TOX2: variants seen among roughly 807,000 people sequenced by gnomAD.
TOX2 encodes granulosa cell HMG box 1.
In TOX2, 15 loss-of-function variants were observed where a neutral mutation model predicts 47.4. The ratio of observed to expected loss-of-function variants is 0.32; its 90% CI spans 0.21 to 0.49. TOX2 has a LOEUF of 0.49. TOX2 is among the 20% of genes least tolerant of loss of function. TOX2 has a pLI of 0.99. For synonymous variants in TOX2, 290 were observed against 296.6 expected, an observed-to-expected ratio of 0.98 and a Z score of 0.23; for missense variants, 622 against 673.1, an observed-to-expected ratio of 0.92 and a Z score of 0.84.
intron 3 of TOX2, among the ~76,000 whole-genome samples, chr20:44,029,653 A>T (rs1009841137): frequency 5.3e-5 from 8 of 152,098 alleles, no homozygotes; most frequent in African/African-American, 1.9e-4. Context: ...CCCCATGGGG[A>T]ATTGCTGTGA....
intron 6 of TOX2, 80 bp downstream of exon 6, chr20:44,064,937 G>A (rs2071785491): frequency 7.4e-7 from 1 of 1,351,194 alleles, no homozygotes; most frequent in Non-Finnish European, 1.0e-6. Flanking sequence ...GGGCCCGTGG[G>A]AAGGGCCGGC....
chr20:43,993,184 G>T (rs992261839), intron 2 of TOX2, among the ~76,000 whole-genome samples: 1 of 149,998 alleles, frequency 6.7e-6, no homozygotes, highest in Non-Finnish European at 1.5e-5. Context: ...TACAGAGAGG[G>T]TTTCACACAC....
intron 3 of TOX2, among the ~76,000 whole-genome samples, chr20:44,015,992 G>A (rs905134817): frequency 6.6e-6 from 1 of 152,104 alleles, no homozygotes; most frequent in Non-Finnish European, 1.5e-5. Flanking sequence ...GACGAGATAA[G>A]ATTCATGGTT....
chr20:44,027,617 T>C (rs1044758398), intron 3 of TOX2, among the ~76,000 whole-genome samples: 9 of 152,206 alleles, frequency 5.9e-5, no homozygotes, highest in African/African-American at 2.2e-4. Flanking sequence ...AGATCCTTAA[T>C]TGAGGAGGCC....
intron 3 of TOX2, among the ~76,000 whole-genome samples, chr20:44,031,385 C>A (rs775424950): frequency 2.0e-5 from 3 of 152,170 alleles, no homozygotes; most frequent in Non-Finnish European, 4.4e-5. Flanking sequence ...CACAGGAGCA[C>A]GCTGCATTTG....
chr20:43,973,269 C>A, intron 1 of TOX2, 98 bp from the exon 2 acceptor site: 1 of 1,193,202 alleles, frequency 8.4e-7, no homozygotes, highest in Non-Finnish European at 1.2e-6. Flanking sequence ...TCCCACAGTC[C>A]CCTGCAGTCA....
At chr20:43,940,408 A>G (rs1335527474) in intron 1 of TOX2, among the ~76,000 whole-genome samples, 2 of 149,244 alleles carry the variant, frequency 1.3e-5, no homozygotes, top group African/African-American at 5.0e-5. Flanking sequence ...TCTGTTTTTC[A>G]GAGATAGGTC....
chr20:44,061,402 C>CA (rs564328942), intron 5 of TOX2, among the ~76,000 whole-genome samples: 108 of 151,936 alleles, frequency 7.1e-4, no homozygotes, highest in African/African-American at 2.4e-3. Context: ...ATAACAACAA[C>CA]AAAAAAACGA....
intron 1 of TOX2, among the ~76,000 whole-genome samples, chr20:43,965,661 G>A (rs1266898080): frequency 1.3e-5 from 2 of 152,184 alleles, no homozygotes; most frequent in East Asian, 1.9e-4. Context: ...TCCTCAGCAC[G>A]AGATATGTGC....
Position 43,914,861 on chromosome 20 carries a change from G to GGGAGCCGCC in TOX2, c.-29_-21dup. ...CGCCGCCCGCCCAGGCACTGCCCGC[G>GGGAGCCGCC]GGAGCCGCCGCCGCCGCCGCCGCGC... On this transcript the variant is annotated 5_prime_UTR_variant, in exon 1 of 9. Transcript: ENST00000341197. This position sits in a 1 kb window ranked among gnomAD's most constrained non-coding sequence, Gnocchi z 4.5. 1.1e-6 allele frequency: 1 copy of GGGAGCCGCC among 952,320 alleles called. No individual in the cohort carries two copies. The highest frequency in any genetic ancestry group is 1.2e-6 in the Non-Finnish European group (1 of 800,786). 59.0% of individuals were successfully genotyped at this position (952,320 alleles called of 1,614,324 possible). A position where few individuals can be genotyped will look rare whatever the true frequency, so the allele number is the denominator to read the frequency against.
intron 1 of TOX2, chr20:43,955,316 T>C (rs1176427167): frequency 2.0e-6 from 2 of 984,582 alleles, no homozygotes; most frequent in Non-Finnish European, 2.4e-6. Context: ...GGAGGGCCCA[T>C]GGGGGCCTCT....
rs1284146755 is a variant in TOX2 at position 44,065,977 on chromosome 20, C to T, written c.1226C>T (p.Pro409Leu). The T allele has an allele frequency of 3.1e-6, 5 of 1,613,228 alleles. No homozygotes were observed. Among genetic ancestry groups the T allele is most frequent in the South Asian group, 2.2e-5 (2 of 91,036 alleles). Residue 409 changes from proline to leucine, a missense_variant, in exon 7 of 9, where the codon CCC becomes CTC. Physicochemically the swap from Pro to Leu is moderately conservative, Grantham distance 98 (BLOSUM62 -3). Around this residue, in one of 3 missense-constraint regions of TOX2, gnomAD observed 294 missense variants for 300.0 expected, o/e 0.98. Coordinates refer to ENST00000341197, the MANE Select transcript of TOX2 (RefSeq NM_001098797.2). ...SPTLHQQLSL[P>L]PHAQGALLSP... ...ACACTGCACCAGCAGCTGTCACTGCCCCCTCACGCCCAGGGCGCCCTCCTC... is the reference window on the plus strand; with the variant it reads ...ACACTGCACCAGCAGCTGTCACTGCTCCCTCACGCCCAGGGCGCCCTCCTC...
At chr20:44,040,023 T>C (rs1409002586) in intron 3 of TOX2, among the ~76,000 whole-genome samples, 2 of 152,108 alleles carry the variant, frequency 1.3e-5, no homozygotes, top group Non-Finnish European at 2.9e-5. Flanking sequence ...GCTAAAAGTG[T>C]TGGGGCAGCG....
At position 43,915,320 on chromosome 20, in the gene TOX2, G is replaced by T. The variant is rs2069043561; in HGVS notation, c.99+330G>T. 6.6e-6 allele frequency among the ~76,000 whole-genome samples: 1 copy of T among 152,102 alleles called. No homozygotes were observed. Among genetic ancestry groups the T allele is most frequent in the Non-Finnish European group, 1.5e-5 (1 of 68,022 alleles). ...TGCTTACACGGTCCCGCCGTCCCAC[G>T]CAAGTCACCCTGACAGTCACTTATA... is the stretch of plus-strand genomic sequence containing the variant. On this transcript the variant is annotated intron_variant, in intron 1 of 8. Coordinates refer to ENST00000341197, the MANE Select transcript of TOX2 (RefSeq NM_001098797.2). The surrounding 1 kb of genome is among the most constrained non-coding windows in gnomAD (Gnocchi z 7.1).
At chr20:43,966,792 A>T (rs1005405117) in intron 1 of TOX2, among the ~76,000 whole-genome samples, 2 of 150,204 alleles carry the variant, frequency 1.3e-5, no homozygotes, top group Non-Finnish European at 3.0e-5. Context: ...GGAGGCTCCC[A>T]CTATGCTGAG....
Position 44,066,086 on chromosome 20 carries a change from C to A in TOX2, c.1335C>A (p.Ser445Arg). The A allele has an allele frequency of 1.9e-6, 3 of 1,560,170 alleles. No individual in the cohort carries two copies. Among genetic ancestry groups the A allele is most frequent in the Non-Finnish European group, 2.6e-6 (3 of 1,153,208 alleles). Residue 445 changes from serine (S) to arginine (R), a missense_variant, in exon 7 of 9, where the codon AGC (serine) becomes AGA (arginine). Transcript: ENST00000341197. ...PMALQVQLAM[S>R]PSPPGPQDFP... ...CACTCCAGGTGCAGCTGGCGATGAG[C>A]CCCTCACCTCCAGGGCCACAGGTAA...
In TOX2 at chr20:44,006,843, G is replaced by T. The variant is rs2070692781; in HGVS notation, c.411+51G>T. On this transcript the variant is annotated intron_variant, in intron 3 of 8. Coordinates refer to ENST00000341197, the MANE Select transcript of TOX2 (RefSeq NM_001098797.2). ...TCCTGCTGATGACAGCAGGGAGGGGGTTGAGAGGGAAGCAGAAGAATGTTG... is the reference window on the plus strand; with the variant it reads ...TCCTGCTGATGACAGCAGGGAGGGGTTTGAGAGGGAAGCAGAAGAATGTTG... 6 of 1,579,370 alleles carry T rather than the reference G, an allele frequency of 3.8e-6. No individual in the cohort carries two copies. The East Asian group carries it at 1.1e-4, about 30-fold the overall frequency.
At chr20:43,961,661 T>C (rs149531641) in intron 1 of TOX2, among the ~76,000 whole-genome samples, 1 of 152,254 alleles carries the variant, frequency 6.6e-6, no homozygotes, top group Non-Finnish European at 1.5e-5. Context: ...CTGATGAAAC[T>C]GGCTTTTGGT....
At chr20:43,991,472 GTCCTTACTCGTTCATGCA>G (rs2070367112) in intron 2 of TOX2, among the ~76,000 whole-genome samples, 1 of 152,144 alleles carries the variant, frequency 6.6e-6, no homozygotes. Flanking sequence ...AACACTCCTA[GTCCTTACTCGTTCATGCA>G]TCCTTTTATT....
Sources: allele counts gnomAD v4.1 joint callset (sites outside exome capture counted in the v4.1 genomes callset), GRCh38; gene constraint gnomAD v4.1.1; regional missense constraint gnomAD v4.1.1; non-coding constraint Gnocchi (gnomAD v3.1); transcripts MANE v1.5; gene names NCBI Gene and HGNC (gene_info 2026-07-23, HGNC 2026-07-21).